The following SCNN1B variants were observed in gnomAD, a reference collection of about 807,000 sequenced individuals.
SCNN1B encodes the protein sodium channel epithelial 1 subunit beta.
In SCNN1B, 46 loss-of-function variants were observed where a neutral mutation model predicts 65.3. The ratio of observed to expected loss-of-function variants is 0.70; its 90% CI spans 0.56 to 0.90. SCNN1B has a LOEUF of 0.90. Among genes scored for constraint, SCNN1B ranks in the 40% least tolerant of loss-of-function variants. SCNN1B has a pLI of 0.00. For synonymous variants in SCNN1B, 349 were observed against 330.6 expected (o/e 1.06, Z -0.60); for missense variants, 751 against 830.5 (o/e 0.90, Z 1.18).
At chr16:23,287,058 A>G (rs1056733326) in intron 2 of SCNN1B, among the ~76,000 whole-genome samples, 1 of 150,344 alleles carries the variant, frequency 6.7e-6, no homozygotes, top group Non-Finnish European at 1.5e-5. Context: ...AGGCTGGAGT[A>G]CAATGGGGTG....
At chr16:23,295,179 G>C (rs189125879) in intron 2 of SCNN1B, among the ~76,000 whole-genome samples, 17 of 152,040 alleles carry the variant, frequency 1.1e-4, no homozygotes, top group Non-Finnish European at 2.2e-4. Flanking sequence ...TGTATCTCTA[G>C]TGCCCAGAAC....
intron 4 of SCNN1B, among the ~76,000 whole-genome samples, chr16:23,360,208 A>ATAAAT (rs1346182608): frequency 7.3e-6 from 1 of 136,762 alleles, no homozygotes; most frequent in East Asian, 2.6e-4. Flanking sequence ...AAAAAAATAA[A>ATAAAT]TAAATAAATA....
At chr16:23,296,304 AT>A (rs1405850572) in intron 2 of SCNN1B, among the ~76,000 whole-genome samples, 1 of 152,122 alleles carries the variant, frequency 6.6e-6, no homozygotes, top group Non-Finnish European at 1.5e-5. Flanking sequence ...CATCTCACCA[AT>A]TCTCCTGACT....
chr16:23,341,748 G>T (rs1427589254), intron 1 of SCNN1B, among the ~76,000 whole-genome samples: 1 of 152,170 alleles, frequency 6.6e-6, no homozygotes, highest in African/African-American at 2.4e-5. Flanking sequence ...ATAGCTATCA[G>T]GAAAACGCAA....
At chr16:23,303,964 A>T in intron 1 of SCNN1B, 2 of 902,640 alleles carry the variant, frequency 2.2e-6, no homozygotes, top group Non-Finnish European at 3.5e-6. Context: ...CACCTATGTC[A>T]TTCTGCAACT....
chr16:23,364,585 A>G (rs1004783411), intron 4 of SCNN1B, among the ~76,000 whole-genome samples: 1 of 152,176 alleles, frequency 6.6e-6, no homozygotes, highest in Admixed American at 6.5e-5. Context: ...TGCAGAAGGA[A>G]GACTTTAAGG....
chr16:23,290,211 C>T (rs1018496903), intron 2 of SCNN1B, among the ~76,000 whole-genome samples: 3 of 152,164 alleles, frequency 2.0e-5, no homozygotes, highest in East Asian at 1.9e-4. Context: ...ATGGCTGGCA[C>T]AGTTAAGTGC....
chr16:23,313,254 G>A (rs1265652305), intron 1 of SCNN1B, among the ~76,000 whole-genome samples: 1 of 152,126 alleles, frequency 6.6e-6, no homozygotes, highest in African/African-American at 2.4e-5. Context: ...TAAATTCCAT[G>A]GACCCCCATT....
chr16:23,313,229 T>A (rs1596824967), intron 1 of SCNN1B, among the ~76,000 whole-genome samples: 1 of 152,064 alleles, frequency 6.6e-6, no homozygotes, highest in African/African-American at 2.4e-5. Context: ...CCCAGCCACA[T>A]CTCTCATCCT....
At chr16:23,321,753 T>C (rs115461099) in intron 1 of SCNN1B, among the ~76,000 whole-genome samples, 2,308 of 152,286 alleles carry the variant, frequency 0.015, 61 homozygotes, top group African/African-American at 0.049. Context: ...ACAGACGCAG[T>C]GCCTAACACT....
At chr16:23,368,861 T>C (rs1043530541) in intron 5 of SCNN1B, among the ~76,000 whole-genome samples, 1 of 152,010 alleles carries the variant, frequency 6.6e-6, no homozygotes, top group African/African-American at 2.4e-5. Flanking sequence ...CACGTGGATA[T>C]AGAGTGTGGA....
intron 3 of SCNN1B, 146 bp from the exon 4 acceptor site, chr16:23,355,153 A>T: frequency 1.3e-6 from 1 of 754,578 alleles, no homozygotes; most frequent in Non-Finnish European, 2.4e-6. Context: ...TGTGAGCATG[A>T]GTGTGAACGT....
chr16:23,322,404 G>A (rs990705591), intron 1 of SCNN1B, among the ~76,000 whole-genome samples: 8 of 152,124 alleles, frequency 5.3e-5, no homozygotes, highest in South Asian at 2.1e-4. Context: ...GGGTTCCAGC[G>A]ATCCTTCCAC....
intron 4 of SCNN1B, among the ~76,000 whole-genome samples, chr16:23,360,398 A>C: frequency 6.6e-6 from 1 of 151,538 alleles, no homozygotes. Flanking sequence ...AAAATAACAA[A>C]ATTAGCCCGG....
intron 4 of SCNN1B, among the ~76,000 whole-genome samples, chr16:23,361,606 T>C (rs1313469410): frequency 6.6e-6 from 1 of 152,250 alleles, no homozygotes; most frequent in Non-Finnish European, 1.5e-5. Context: ...CCTTGTTATC[T>C]ATTCTCTTGC....
chr16:23,369,582 C>A (rs149222428), intron 5 of SCNN1B, among the ~76,000 whole-genome samples: 3 of 152,152 alleles, frequency 2.0e-5, no homozygotes, highest in Non-Finnish European at 4.4e-5. Flanking sequence ...GGAGTGGATC[C>A]CTCCTCCCAT....
chr16:23,291,514 A>G (rs976239202), intron 2 of SCNN1B, among the ~76,000 whole-genome samples: 19 of 147,820 alleles, frequency 1.3e-4, no homozygotes, highest in African/African-American at 4.7e-4. Context: ...AGGTATACAT[A>G]CCCATTAAAT....
intron 2 of SCNN1B, among the ~76,000 whole-genome samples, chr16:23,289,570 T>C (rs1960894320): frequency 6.8e-6 from 1 of 146,204 alleles, no homozygotes; most frequent in Non-Finnish European, 1.5e-5. Context: ...AAAAAAGAAA[T>C]CCCTCCCCAA....
At chr16:23,354,858 C>T (rs1962384516) in intron 3 of SCNN1B, among the ~76,000 whole-genome samples, 1 of 152,188 alleles carries the variant, frequency 6.6e-6, no homozygotes, top group Non-Finnish European at 1.5e-5. Context: ...TGCCTCTGCA[C>T]ACATGACCGT....
Sources: gnomAD v4.1 joint callset for allele counts (sites outside exome capture counted in the v4.1 genomes callset) on GRCh38, gnomAD v4.1.1 for gene constraint, MANE v1.5 for transcripts, NCBI Gene and HGNC (gene_info 2026-07-23, HGNC 2026-07-21) for gene names.